SAMD14: variants seen among roughly 807,000 people sequenced by gnomAD.
The protein encoded by SAMD14 is sterile alpha motif domain-containing protein 14.
A neutral mutation model predicts 46.2 loss-of-function variants in SAMD14; 27 were observed. That is an observed-to-expected ratio of 0.58 (90% CI 0.43 to 0.81). SAMD14 has a LOEUF of 0.81. Ranked by LOEUF, SAMD14 falls within the 30% of genes least tolerant of loss-of-function variation. SAMD14 has a pLI of 0.00. For synonymous variants in SAMD14, 241 were observed against 254.3 expected (o/e 0.95, Z 0.50); for missense variants, 559 against 582.2 (o/e 0.96, Z 0.41).
At chr17:50,123,174 C>T (rs1911582888) in intron 2 of SAMD14, among the ~76,000 whole-genome samples, 1 of 152,260 alleles carries the variant, frequency 6.6e-6, no homozygotes, top group Admixed American at 6.5e-5. Context: ...ATCCCCAGGG[C>T]AGCCTTAATT....
At position 50,112,308 on chromosome 17, in the gene SAMD14, T is replaced by A. The variant is rs1567716647; in HGVS notation, c.*585A>T. The A allele has an allele frequency of 6.6e-6, 1 of 152,200 alleles. No homozygotes were observed. The highest frequency in any genetic ancestry group is 1.5e-5 in the Non-Finnish European group (1 of 68,128). The allele number at this position is 152,200 out of a possible 1,614,324, so 9.4% of individuals were successfully genotyped here. ...TCGCCCCAGGCTGCTTTCTCTGCGC[T>A]CCTGTTGAGGAGTTTGGCTGGGAGT... is the stretch of plus-strand genomic sequence containing the variant. On this transcript the variant is annotated 3_prime_UTR_variant, in exon 10 of 10. Transcript: ENST00000330175.
rs937469496 is a variant in SAMD14, at chr17:50,127,315, C to T, written c.-13+2202G>A. On this transcript the variant is annotated intron_variant, in intron 1 of 9. Transcript: ENST00000330175. Reference sequence around the variant, plus strand: ...AGGACTGGGAGAAGCATCAAAACCACCTCTAGGCTGGGCGCAGTGCCTCAC... The same window carrying T: ...AGGACTGGGAGAAGCATCAAAACCATCTCTAGGCTGGGCGCAGTGCCTCAC... Among the ~76,000 whole-genome samples, 8 of 151,344 alleles carry T rather than the reference C, an allele frequency of 5.3e-5. No individual in the cohort carries two copies. In the South Asian group the frequency reaches 1.5e-3, roughly 28 times the overall value.
At chr17:50,123,344 AAGGAGGAC>A (rs1425548663) in intron 2 of SAMD14, among the ~76,000 whole-genome samples, 2 of 152,204 alleles carry the variant, frequency 1.3e-5, no homozygotes, top group Non-Finnish European at 2.9e-5. Context: ...ACTGAGGCTC[AAGGAGGAC>A]AGGAGGACAC....
At chr17:50,118,412 C>G (rs1301074897) in intron 2 of SAMD14, 85 bp from the exon 3 acceptor site, 1 of 1,494,614 alleles carries the variant, frequency 6.7e-7, no homozygotes, top group East Asian at 2.3e-5. Context: ...CCACCTGCAC[C>G]CACACCCCAG....
At position 50,110,321 on chromosome 17, in the gene SAMD14, C is replaced by T. The variant is rs184387374; in HGVS notation, c.*2572G>A. 13 of 439,050 alleles carry T rather than the reference C, an allele frequency of 3.0e-5. No individual in the cohort carries two copies. In the East Asian group the frequency reaches 4.6e-4, roughly 16 times the overall value. 27.2% of individuals were successfully genotyped at this position (439,050 alleles called of 1,614,324 possible). A position where few individuals can be genotyped will look rare whatever the true frequency, so the allele number is the denominator to read the frequency against. Reference sequence around the variant, plus strand: ...GGCCTCCCTATCTCTGTGGGCGATGCCTGAGGGTTAGGGATGTCTCCACCC... The same window carrying T: ...GGCCTCCCTATCTCTGTGGGCGATGTCTGAGGGTTAGGGATGTCTCCACCC... On this transcript the variant is annotated 3_prime_UTR_variant, in exon 10 of 10. Coordinates refer to ENST00000330175, the MANE Select transcript of SAMD14 (RefSeq NM_001257359.2).
At chr17:50,116,154 A>G in intron 4 of SAMD14, 64 bp from the exon 5 acceptor site, 1 of 1,547,126 alleles carries the variant, frequency 6.5e-7, no homozygotes. Context: ...TTCGGCTGCC[A>G]GTGTGGGGTG....
At chr17:50,113,648 G>A in intron 9 of SAMD14, 1 of 488,692 alleles carries the variant, frequency 2.0e-6, no homozygotes, top group Non-Finnish European at 3.7e-6. Context: ...ATCCTAGAGG[G>A]CAAGGTCAGC....
At chr17:50,119,469 G>A (rs1440671436) in intron 2 of SAMD14, among the ~76,000 whole-genome samples, 5 of 152,072 alleles carry the variant, frequency 3.3e-5, no homozygotes, top group Admixed American at 3.3e-4. Flanking sequence ...GTTTCGTTCT[G>A]TAGACAACCC....
intron 1 of SAMD14, among the ~76,000 whole-genome samples, chr17:50,126,630 C>T (rs1911786927): frequency 6.6e-6 from 1 of 151,952 alleles, no homozygotes; most frequent in African/African-American, 2.4e-5. Context: ...CCCCACTTTA[C>T]AGATACATAT....
chr17:50,126,405 C>T (rs1432238305), intron 1 of SAMD14, among the ~76,000 whole-genome samples: 2 of 151,518 alleles, frequency 1.3e-5, no homozygotes, highest in East Asian at 1.9e-4. Flanking sequence ...CCCGGGTCCA[C>T]GCCATTCTCC....
At chr17:50,118,465 G>T in intron 2 of SAMD14, 138 bp from the exon 3 acceptor site, 1 of 984,410 alleles carries the variant, frequency 1.0e-6, no homozygotes, top group Non-Finnish European at 1.5e-6. Flanking sequence ...ACAGACAGAT[G>T]AAAAACAGGG....
At chr17:50,126,929 G>A (rs1227854666) in intron 1 of SAMD14, among the ~76,000 whole-genome samples, 4 of 150,584 alleles carry the variant, frequency 2.7e-5, no homozygotes, top group Non-Finnish European at 4.4e-5. Flanking sequence ...GTGAAACCCC[G>A]TCTCTACTAA....
At chr17:50,123,162 G>T (rs1911582620) in intron 2 of SAMD14, among the ~76,000 whole-genome samples, 1 of 152,232 alleles carries the variant, frequency 6.6e-6, no homozygotes, top group Admixed American at 6.5e-5. Context: ...GGGACTCCAG[G>T]AATCCCCAGG....
chr17:50,116,323 T>C (rs573290608), intron 4 of SAMD14: 93 of 558,538 alleles, frequency 1.7e-4, no homozygotes, highest in African/African-American at 1.3e-3. Context: ...GGGATGCTTA[T>C]GACAGCCTTT....
chr17:50,120,722 C>A (rs1046581119), intron 2 of SAMD14, among the ~76,000 whole-genome samples: 5 of 152,194 alleles, frequency 3.3e-5, no homozygotes, highest in African/African-American at 1.2e-4. Flanking sequence ...ACAAGCCAGC[C>A]TGCATTGCAG....
chr17:50,117,582 G>T lies in SAMD14; in HGVS notation c.324C>A (p.Ser108Arg), dbSNP rs1349592404. Reference protein sequence around the residue: ...FCLDPPGLRRSLDEDEPPPSP... With the variant: ...FCLDPPGLRRRLDEDEPPPSP... Reference sequence around the variant, plus strand: ...AGGGCGGCGGCTCGTCCTCGTCCAGGCTGCGCCGCAACCCCGGAGGATCCA... The same window carrying T: ...AGGGCGGCGGCTCGTCCTCGTCCAGTCTGCGCCGCAACCCCGGAGGATCCA... Residue 108 changes from serine to arginine, a missense_variant, in exon 4 of 10, where the codon AGC (serine) becomes AGA (arginine). Physicochemically the swap from Ser to Arg is moderately radical, Grantham distance 110. Coordinates refer to ENST00000330175, the MANE Select transcript of SAMD14 (RefSeq NM_001257359.2). The T allele has an allele frequency of 6.4e-7, 1 of 1,553,514 alleles. No individual in the cohort carries two copies. The highest frequency in any genetic ancestry group is 2.5e-5 in the East Asian group (1 of 40,206).
At chr17:50,119,932 C>T (rs1471205445) in intron 2 of SAMD14, among the ~76,000 whole-genome samples, 2 of 152,080 alleles carry the variant, frequency 1.3e-5, no homozygotes, top group Non-Finnish European at 2.9e-5. Flanking sequence ...CAGCTGAACC[C>T]CTGGAGTCAT....
chr17:50,113,323 C>T (rs1428176032), intron 9 of SAMD14: 8 of 423,324 alleles, frequency 1.9e-5, no homozygotes, highest in South Asian at 6.0e-5. Context: ...AGCCTTGGCC[C>T]GGACCTGCCC....
At position 50,117,474 on chromosome 17, in the gene SAMD14, G is replaced by A. The variant is rs746232188; in HGVS notation, c.432C>T (p.Ser144=). ...TGGGGGAGCTGTCGGAGGAGGGCGC[G>A]GAGCGCGGCGGAGAGCAGGAGGCGG... ...LAAASCSPPR[S]APSSDSSPSF... is the part of the protein sequence containing the mutation. Residue 144 remains serine (S), a synonymous_variant, in exon 4 of 10, where the codon TCC becomes TCT. Transcript: ENST00000330175. The A allele has an allele frequency of 8.6e-5, 120 of 1,401,902 alleles. No individual in the cohort carries two copies. In the South Asian group the frequency reaches 1.6e-3, roughly 18 times the overall value. 86.8% of individuals were successfully genotyped at this position (1,401,902 alleles called of 1,614,324 possible).
Sources: gnomAD v4.1 joint callset for allele counts (sites outside exome capture counted in the v4.1 genomes callset) on GRCh38, gnomAD v4.1.1 for gene constraint, MANE v1.5 for transcripts, NCBI Gene and HGNC (gene_info 2026-07-23, HGNC 2026-07-21) for gene names.